DOCK8: variants seen among roughly 807,000 people sequenced by gnomAD.
DOCK8 encodes dedicator of cytokinesis 8, also known as dedicator of cytokinesis protein 8.
In DOCK8, 141 loss-of-function variants were observed where a neutral mutation model predicts 245.6. That is an observed-to-expected ratio of 0.57 (90% CI 0.50 to 0.66). The LOEUF (loss-of-function observed/expected upper bound fraction) is 0.66, where lower values mean the gene tolerates loss of function less well. Ranked by LOEUF, DOCK8 falls within the 30% of genes least tolerant of loss-of-function variation. The pLI is 0.00. For missense variants in DOCK8, 2,965 were observed against 2,603.4 expected, an observed-to-expected ratio of 1.14 and a Z score of -3.02; for synonymous variants, 1,168 against 970.2, an observed-to-expected ratio of 1.20 and a Z score of -3.79.
At chr9:334,193 G>A in intron 10 of DOCK8, 32 bp from the exon 11 acceptor site, 2 of 1,613,804 alleles carry the variant, frequency 1.2e-6, no homozygotes. Context: ...GCTGATGCTT[G>A]TTTCAGCTTG....
intron 1 of DOCK8, among the ~76,000 whole-genome samples, chr9:270,181 T>C (rs947448595): frequency 2.0e-5 from 3 of 152,194 alleles, no homozygotes; most frequent in African/African-American, 7.2e-5. Flanking sequence ...TTTAAAAAAT[T>C]AAATAAAGAA....
intron 1 of DOCK8, among the ~76,000 whole-genome samples, chr9:235,710 G>A (rs1010772661): frequency 3.0e-4 from 45 of 152,312 alleles, no homozygotes; most frequent in Middle Eastern, 3.4e-3. Context: ...AGCCATGTGT[G>A]GGATATAATC....
chr9:417,944 A>T lies in DOCK8; in HGVS notation c.3701-124A>T, dbSNP rs374731558. The T allele has an allele frequency of 1.4e-5, 17 of 1,232,746 alleles. No homozygotes were observed. The African/African-American group carries it at 2.5e-4, about 18-fold the overall frequency. 76.4% of individuals were successfully genotyped at this position (1,232,746 alleles called of 1,614,324 possible). On this transcript the variant is annotated intron_variant, in intron 29 of 47. Coordinates refer to ENST00000432829, the MANE Select transcript of DOCK8 (RefSeq NM_203447.4). ...TAGGTGATAGCAGATACATAATGCT[A>T]AACATCAGGTTTGAAATTACTGTGC...
chr9:254,077 C>G (rs73638088), intron 1 of DOCK8, among the ~76,000 whole-genome samples: 1,818 of 152,222 alleles, frequency 0.012, 37 homozygotes, highest in African/African-American at 0.042. Context: ...TATTTGGGAA[C>G]TGCATAGGAG....
intron 15 of DOCK8, chr9:368,544 C>G (rs963333771): frequency 4.4e-6 from 2 of 459,676 alleles, no homozygotes; most frequent in Admixed American, 7.0e-5. Context: ...TTACTCAAGC[C>G]TCGGACCACA....
chr9:446,721 G>C, intron 44 of DOCK8, 115 bp downstream of exon 44: 1 of 912,292 alleles, frequency 1.1e-6, no homozygotes, highest in Non-Finnish European at 1.8e-6. Context: ...GGATGCACTT[G>C]AAATATGATT....
chr9:396,020 A>G (rs1198660688), intron 24 of DOCK8, among the ~76,000 whole-genome samples: 1 of 152,132 alleles, frequency 6.6e-6, no homozygotes, highest in Non-Finnish European at 1.5e-5. Context: ...AAAGATATCT[A>G]TATAGAGATA....
Position 420,492 on chromosome 9 carries a change from T to C in DOCK8, c.3932T>C (p.Leu1311Pro), listed in dbSNP as rs781695531. Residue 1311 changes from leucine to proline, a missense_variant, in exon 31 of 48, where the codon CTC (leucine) becomes CCC (proline). This residue lies in a region of DOCK8 where 2,825 missense variants were observed against 2,453.5 expected (regional missense o/e 1.15). Coordinates refer to ENST00000432829, the MANE Select transcript of DOCK8 (RefSeq NM_203447.4). Reference sequence around the variant, plus strand: ...ATCATGAAAAATGCTGATCAGAGCCTCATTAGGAAGTGGATTGCTGACCTG... The same window carrying C: ...ATCATGAAAAATGCTGATCAGAGCCCCATTAGGAAGTGGATTGCTGACCTG... ...LWIMKNADQS[L>P]IRKWIADLPS... 1 of 1,614,162 alleles carries C rather than the reference T, an allele frequency of 6.2e-7. No individual in the cohort carries two copies. Among genetic ancestry groups the C allele is most frequent in the South Asian group, 1.1e-5 (1 of 91,080 alleles).
rs543279838 is a variant in DOCK8, at chr9:266,678, T to C, written c.54-4949T>C. On this transcript the variant is annotated intron_variant, in intron 1 of 47. Transcript: ENST00000432829. ...ATTATCTGCTGATCTGAAAAAAACA[T>C]AGAGCTTCTCTACCCACTCCTTACC... Among the ~76,000 whole-genome samples the C allele has an allele frequency of 5.9e-5, 9 of 152,270 alleles. No individual in the cohort carries two copies. The East Asian group carries it at 1.3e-3, about 23-fold the overall frequency.
intron 4 of DOCK8, among the ~76,000 whole-genome samples, chr9:292,069 C>CAAAAAAAA (rs139396600): frequency 5.7e-5 from 3 of 52,566 alleles, no homozygotes; most frequent in Non-Finnish European, 3.3e-5. Context: ...GACCCTATCT[C>CAAAAAAAA]AAAAAAAAAA....
At chr9:243,956 G>A (rs531654929) in intron 1 of DOCK8, among the ~76,000 whole-genome samples, 28 of 152,040 alleles carry the variant, frequency 1.8e-4, no homozygotes, top group African/African-American at 6.0e-4. Flanking sequence ...AGGCCGAGGC[G>A]GGCAGATCAC....
At chr9:279,439 G>A (rs1334517194) in intron 2 of DOCK8, among the ~76,000 whole-genome samples, 1 of 152,198 alleles carries the variant, frequency 6.6e-6, no homozygotes, top group Non-Finnish European at 1.5e-5. Flanking sequence ...ATTGAGAAGA[G>A]ATTTAGAATT....
chr9:265,262 T>A (rs2048011036), intron 1 of DOCK8, among the ~76,000 whole-genome samples: 1 of 152,142 alleles, frequency 6.6e-6, no homozygotes, highest in Non-Finnish European at 1.5e-5. Context: ...AATACTACCC[T>A]GCCCTAACCT....
chr9:278,166 T>C (rs1241862928), intron 2 of DOCK8, among the ~76,000 whole-genome samples: 4 of 152,202 alleles, frequency 2.6e-5, no homozygotes, highest in Non-Finnish European at 5.9e-5. Context: ...GTTTCTTTAT[T>C]GTCATTGTTC....
intron 7 of DOCK8, among the ~76,000 whole-genome samples, chr9:323,549 G>A (rs560370262): frequency 9.9e-5 from 15 of 152,166 alleles, no homozygotes; most frequent in African/African-American, 3.4e-4. Flanking sequence ...CATTTTTAAG[G>A]TACAGTTCAG....
intron 14 of DOCK8, among the ~76,000 whole-genome samples, chr9:362,580 C>T (rs1477256774): frequency 4.6e-5 from 7 of 152,178 alleles, no homozygotes; most frequent in Non-Finnish European, 2.9e-5. Context: ...TCTTGTCGAG[C>T]TGCTCCTCTC....
intron 26 of DOCK8, among the ~76,000 whole-genome samples, chr9:400,268 CCATCACCACCACTTCCTT>C (rs1564013081): frequency 1.0e-4 from 9 of 88,068 alleles, no homozygotes; most frequent in African/African-American, 2.7e-4. Flanking sequence ...ACCACCTCCA[CCATCACCACCACTTCCTT>C]CACCACCACC....
intron 39 of DOCK8, among the ~76,000 whole-genome samples, chr9:438,794 A>G (rs2056989904): frequency 1.3e-5 from 2 of 152,216 alleles, no homozygotes; most frequent in African/African-American, 4.8e-5. Flanking sequence ...CTGTTGTCGT[A>G]TGTCATGGCT....
chr9:387,048 GA>G (rs1401266407), intron 23 of DOCK8, among the ~76,000 whole-genome samples: 2 of 151,858 alleles, frequency 1.3e-5, no homozygotes, highest in South Asian at 2.1e-4. Flanking sequence ...GGGATGGAGG[GA>G]AAAAAAACTG....
Sources: gnomAD v4.1 joint callset for allele counts (sites outside exome capture counted in the v4.1 genomes callset) on GRCh38, gnomAD v4.1.1 for gene constraint, gnomAD v4.1.1 regional missense constraint, MANE v1.5 for transcripts, NCBI Gene and HGNC (gene_info 2026-07-23, HGNC 2026-07-21) for gene names.